Variants in CNTN3 observed in about 807,000 individuals in gnomAD.
CNTN3 encodes the protein contactin 3, also known as contactin-3.
A neutral mutation model predicts 119.1 loss-of-function variants in CNTN3; 60 were observed. The observed-to-expected ratio is 0.50, with a 90% CI of 0.41 to 0.62. The LOEUF is 0.62. CNTN3 is among the 20% of genes least tolerant of loss of function. The pLI, the probability that CNTN3 is intolerant of heterozygous loss-of-function variation, is 0.00. For missense variants in CNTN3, 1,101 were observed against 1,242.4 expected, an observed-to-expected ratio of 0.89 and a Z score of 1.71; for synonymous variants, 450 against 438.7, an observed-to-expected ratio of 1.03 and a Z score of -0.32.
chr3:74,298,560 GA>G (rs2106810714), intron 17 of CNTN3, among the ~76,000 whole-genome samples: 1 of 146,468 alleles, frequency 6.8e-6, no homozygotes, highest in Admixed American at 6.9e-5. Context: ...TTTATGAGAA[GA>G]AATATTAAAA....
chr3:74,335,029 T>C, intron 12 of CNTN3, 119 bp from the exon 13 acceptor site: 1 of 588,082 alleles, frequency 1.7e-6, no homozygotes, highest in South Asian at 3.0e-5. Flanking sequence ...TACATAAATA[T>C]ACATACATCT....
At chr3:74,553,226 G>A (rs1251636021) in intron 1 of CNTN3, among the ~76,000 whole-genome samples, 1 of 152,028 alleles carries the variant, frequency 6.6e-6, no homozygotes, top group African/African-American at 2.4e-5. Context: ...GAGAATGATG[G>A]TTTTCAGCTT....
chr3:74,608,998 G>A (rs181207125), intron 1 of CNTN3, among the ~76,000 whole-genome samples: 68 of 152,292 alleles, frequency 4.5e-4, no homozygotes, highest in Admixed American at 1.8e-3. Flanking sequence ...AAGGTTGGAA[G>A]TAAAGAGCTT....
intron 4 of CNTN3, among the ~76,000 whole-genome samples, chr3:74,435,838 G>A (rs1035244416): frequency 6.6e-6 from 1 of 152,062 alleles, no homozygotes; most frequent in African/African-American, 2.4e-5. Context: ...AGTTCTTTTT[G>A]TCTTTGTATT....
chr3:74,496,506 G>T (rs1346996074), intron 3 of CNTN3, among the ~76,000 whole-genome samples: 1 of 151,968 alleles, frequency 6.6e-6, no homozygotes, highest in Non-Finnish European at 1.5e-5. Flanking sequence ...TTATTTGCCT[G>T]GTCCCTGTTG....
chr3:74,318,832 G>A (rs535181766), intron 13 of CNTN3, among the ~76,000 whole-genome samples: 22 of 152,270 alleles, frequency 1.4e-4, no homozygotes, highest in South Asian at 1.0e-3. Context: ...CAATCTGCCC[G>A]TTCTCAGATT....
intron 11 of CNTN3, among the ~76,000 whole-genome samples, chr3:74,344,924 G>T (rs2106734351): frequency 6.6e-6 from 1 of 152,038 alleles, no homozygotes; most frequent in South Asian, 2.1e-4. Flanking sequence ...AACTGAGGAG[G>T]GGATCAGATC....
chr3:74,580,423 T>C (rs1400415872), intron 1 of CNTN3, among the ~76,000 whole-genome samples: 2 of 152,030 alleles, frequency 1.3e-5, no homozygotes, highest in African/African-American at 2.4e-5. Flanking sequence ...TAACAAATAT[T>C]ACACGGAGAG....
At chr3:74,332,544 T>G (rs573025905) in intron 13 of CNTN3, among the ~76,000 whole-genome samples, 1 of 152,238 alleles carries the variant, frequency 6.6e-6, no homozygotes, top group Non-Finnish European at 1.5e-5. Context: ...AATTACATTA[T>G]AAACTCGAAT....
chr3:74,408,637 G>A (rs1701383387), intron 5 of CNTN3, among the ~76,000 whole-genome samples: 1 of 151,910 alleles, frequency 6.6e-6, no homozygotes, highest in Non-Finnish European at 1.5e-5. Context: ...CCCAATTTAC[G>A]GCAGAGATTG....
At chr3:74,400,741 C>G (rs1427252484) in intron 5 of CNTN3, among the ~76,000 whole-genome samples, 3 of 152,066 alleles carry the variant, frequency 2.0e-5, no homozygotes, top group Non-Finnish European at 2.9e-5. Context: ...AATTAAAGCT[C>G]TGGGCATTCA....
At chr3:74,411,935 G>C (rs900531217) in intron 5 of CNTN3, among the ~76,000 whole-genome samples, 21 of 152,128 alleles carry the variant, frequency 1.4e-4, no homozygotes, top group African/African-American at 5.1e-4. Context: ...AATACTTTCA[G>C]ATATAATAAT....
At chr3:74,358,870 T>C (rs1284622002) in intron 11 of CNTN3, among the ~76,000 whole-genome samples, 1 of 150,824 alleles carries the variant, frequency 6.6e-6, no homozygotes, top group Non-Finnish European at 1.5e-5. Flanking sequence ...GTTTGGTTTT[T>C]TGTTCTTGCG....
chr3:74,584,008 A>G (rs539890892), intron 1 of CNTN3, among the ~76,000 whole-genome samples: 1 of 152,274 alleles, frequency 6.6e-6, no homozygotes, highest in South Asian at 2.1e-4. Context: ...TTTCATTTGG[A>G]CAAATGGAGG....
intron 12 of CNTN3, among the ~76,000 whole-genome samples, chr3:74,336,130 C>T (rs1181233270): frequency 6.6e-6 from 1 of 151,980 alleles, no homozygotes; most frequent in African/African-American, 2.4e-5. Flanking sequence ...TAAAATATAT[C>T]CACAACTTTA....
chr3:74,405,795 A>G (rs146333402), intron 5 of CNTN3, among the ~76,000 whole-genome samples: 2 of 152,222 alleles, frequency 1.3e-5, no homozygotes, highest in East Asian at 3.9e-4. Context: ...TATGGCTAGT[A>G]TCCAAGAAGA....
chr3:74,389,233 G>A (rs1358518483), intron 5 of CNTN3, among the ~76,000 whole-genome samples: 1 of 152,096 alleles, frequency 6.6e-6, no homozygotes, highest in Non-Finnish European at 1.5e-5. Context: ...TGTGGTAACT[G>A]AATTAATAAA....
At chr3:74,478,055 T>C (rs1211012385) in intron 4 of CNTN3, among the ~76,000 whole-genome samples, 3 of 152,106 alleles carry the variant, frequency 2.0e-5, no homozygotes, top group East Asian at 3.9e-4. Flanking sequence ...AGGTAAGAGA[T>C]AGTCTATAAA....
intron 1 of CNTN3, among the ~76,000 whole-genome samples, chr3:74,535,631 G>A (rs935389264): frequency 6.6e-6 from 1 of 152,086 alleles, no homozygotes; most frequent in Non-Finnish European, 1.5e-5. Flanking sequence ...CTGTCAATGC[G>A]ATACAATGCG....
Sources: gnomAD v4.1 joint callset for allele counts (sites outside exome capture counted in the v4.1 genomes callset) on GRCh38, gnomAD v4.1.1 for gene constraint, MANE v1.5 for transcripts, NCBI Gene and HGNC (gene_info 2026-07-23, HGNC 2026-07-21) for gene names.